Variants in SORCS2 observed in about 807,000 individuals in gnomAD.
The protein encoded by SORCS2 is sortilin related VPS10 domain containing receptor 2.
In SORCS2, 100 loss-of-function variants were observed where a neutral mutation model predicts 141.6. The ratio of observed to expected loss-of-function variants is 0.71; its 90% CI spans 0.60 to 0.83. SORCS2 has a LOEUF of 0.83. SORCS2 is among the 40% of genes least tolerant of loss of function. The pLI is 0.00. For missense variants in SORCS2, 1,646 were observed against 1,560.2 expected (o/e 1.05, Z -0.93); for synonymous variants, 789 against 676.9 (o/e 1.17, Z -2.57).
intron 3 of SORCS2, among the ~76,000 whole-genome samples, chr4:7,615,478 G>C (rs897946165): frequency 6.6e-6 from 1 of 152,226 alleles, no homozygotes; most frequent in East Asian, 1.9e-4. Flanking sequence ...TAAAGTCTTT[G>C]ACCAGGAGAG....
At chr4:7,541,508 AG>A (rs1322893350) in intron 3 of SORCS2, among the ~76,000 whole-genome samples, 1 of 152,142 alleles carries the variant, frequency 6.6e-6, no homozygotes, top group African/African-American at 2.4e-5. Flanking sequence ...CCTCCTCAGG[AG>A]GGGCGATCAC....
rs965864741 is a variant in SORCS2, at chr4:7,370,679, C to T, written c.481-25609C>T. 6.6e-5 allele frequency among the ~76,000 whole-genome samples: 10 copies of T among 152,298 alleles called. No individual in the cohort carries two copies. The South Asian group carries it at 8.3e-4, about 13-fold the overall frequency. On this transcript the variant is annotated intron_variant, in intron 1 of 26. Coordinates refer to ENST00000507866, the MANE Select transcript of SORCS2 (RefSeq NM_020777.3). ...GCCTGCCGGTGGCGGGGTGCTATCC[C>T]GAGCTGGTGTCCCCACGAGGCTCCA...
intron 1 of SORCS2, among the ~76,000 whole-genome samples, chr4:7,304,940 C>T (rs1207493660): frequency 6.6e-6 from 1 of 152,178 alleles, no homozygotes; most frequent in East Asian, 1.9e-4. Context: ...GGAGGCATCC[C>T]GGTTCCTGCT....
chr4:7,626,583 T>C (rs565848173), intron 3 of SORCS2, among the ~76,000 whole-genome samples: 1 of 152,372 alleles, frequency 6.6e-6, no homozygotes, highest in Admixed American at 6.5e-5. Context: ...AGCACATACA[T>C]ATATTTGTGT....
chr4:7,569,895 G>A lies in SORCS2; in HGVS notation c.648+38266G>A, dbSNP rs138030044. On this transcript the variant is annotated intron_variant, in intron 3 of 26. Transcript: ENST00000507866. ...CCACTGGGTGGATGTGGCCTCTCCG[G>A]AACTTCCTCCTCCCCACCCCTGTGG... Among the ~76,000 whole-genome samples, 466 of 152,278 alleles carry A rather than the reference G, an allele frequency of 3.1e-3. 5 individuals carry two copies. Among genetic ancestry groups the A allele is most frequent in the African/African-American group, 0.011 (438 of 41,564 alleles).
intron 3 of SORCS2, among the ~76,000 whole-genome samples, chr4:7,534,408 T>C: frequency 6.6e-6 from 1 of 152,226 alleles, no homozygotes; most frequent in Non-Finnish European, 1.5e-5. Context: ...GGTGAGTGCC[T>C]GGCAGAGCCT....
intron 2 of SORCS2, among the ~76,000 whole-genome samples, chr4:7,493,231 C>T (rs967495880): frequency 6.6e-6 from 1 of 152,324 alleles, no homozygotes; most frequent in Admixed American, 6.5e-5. Flanking sequence ...CATTTCTGTG[C>T]ATGTGACCCT....
intron 1 of SORCS2, among the ~76,000 whole-genome samples, chr4:7,266,251 C>G (rs1298850841): frequency 6.6e-6 from 1 of 152,176 alleles, no homozygotes; most frequent in Non-Finnish European, 1.5e-5. Flanking sequence ...GAGGGCACAG[C>G]TTGGTGGAAC....
rs150395150 is a variant in SORCS2 at position 7,561,392 on chromosome 4, A to C, written c.648+29763A>C. On this transcript the variant is annotated intron_variant, in intron 3 of 26. Coordinates refer to ENST00000507866, the MANE Select transcript of SORCS2 (RefSeq NM_020777.3). The stretch of plus-strand genomic sequence containing the variant: ...CCTGAAATTATGTTTGTTCATCCAT[A>C]CATCCATCTACCCATCCATCCATGT... 8.6e-4 allele frequency among the ~76,000 whole-genome samples: 128 copies of C among 149,426 alleles called. 2 individuals carry two copies. Among genetic ancestry groups the C allele is most frequent in the Middle Eastern group, 3.4e-3 (1 of 294 alleles).
At chr4:7,359,332 CTT>C (rs1721443699) in intron 1 of SORCS2, among the ~76,000 whole-genome samples, 1 of 151,748 alleles carries the variant, frequency 6.6e-6, no homozygotes. Flanking sequence ...CAAAGACTTA[CTT>C]TGTCACCCAG....
chr4:7,609,390 C>T (rs973383692), intron 3 of SORCS2, among the ~76,000 whole-genome samples: 2 of 152,166 alleles, frequency 1.3e-5, no homozygotes, highest in African/African-American at 4.8e-5. Context: ...CCCTGTGGAT[C>T]AATGTGGCAG....
At chr4:7,657,270 G>A (rs956337832) in intron 5 of SORCS2, among the ~76,000 whole-genome samples, 3 of 152,264 alleles carry the variant, frequency 2.0e-5, no homozygotes, top group Admixed American at 2.0e-4. Flanking sequence ...AAATGAATGA[G>A]TAAATGGCTC....
rs114217886 is a variant in SORCS2, at chr4:7,267,139, C to T, written c.480+74013C>T. Reference sequence around the variant, plus strand: ...CAGTGAATCAAACTTTCTAATTCAGCGGAAACACTATGACCACCAGGGACG... The same window carrying T: ...CAGTGAATCAAACTTTCTAATTCAGTGGAAACACTATGACCACCAGGGACG... On this transcript the variant is annotated intron_variant, in intron 1 of 26. Coordinates refer to ENST00000507866, the MANE Select transcript of SORCS2 (RefSeq NM_020777.3). Among the ~76,000 whole-genome samples, 1,154 of 150,366 alleles carry T rather than the reference C, an allele frequency of 7.7e-3. 13 individuals carry two copies. The highest frequency in any genetic ancestry group is 0.026 in the African/African-American group (1,030 of 40,360).
intron 12 of SORCS2, among the ~76,000 whole-genome samples, chr4:7,700,836 C>T (rs1469263618): frequency 2.0e-5 from 3 of 152,206 alleles, no homozygotes; most frequent in Non-Finnish European, 4.4e-5. Flanking sequence ...GAGTGTGTCT[C>T]CACCTGTGTG....
chr4:7,315,640 C>T (rs1718505388), intron 1 of SORCS2, among the ~76,000 whole-genome samples: 1 of 152,214 alleles, frequency 6.6e-6, no homozygotes. Context: ...AGGATCCTCC[C>T]TGCCCCTCCT....
chr4:7,687,039 C>G (rs1353302175), intron 10 of SORCS2, among the ~76,000 whole-genome samples: 1 of 152,280 alleles, frequency 6.6e-6, no homozygotes, highest in East Asian at 1.9e-4. Context: ...GAAGCAGCAC[C>G]CTCTAATTCA....
intron 3 of SORCS2, among the ~76,000 whole-genome samples, chr4:7,534,439 T>C (rs1420407693): frequency 6.6e-6 from 1 of 152,238 alleles, no homozygotes; most frequent in Non-Finnish European, 1.5e-5. Context: ...TACCATTTAC[T>C]GTCAGCTGAA....
rs372837066 is a variant in SORCS2 at position 7,648,178 on chromosome 4, C to G, written c.814-5956C>G. ...TGGTGGGAAGGAGGGAGGCCATTTACTGAGACCGCAGAGGAGGAGGAGGAG... is the reference window on the plus strand; with the variant it reads ...TGGTGGGAAGGAGGGAGGCCATTTAGTGAGACCGCAGAGGAGGAGGAGGAG... On this transcript the variant is annotated intron_variant, in intron 4 of 26. Transcript: ENST00000507866. This position sits in a 1 kb window ranked among gnomAD's most constrained non-coding sequence, Gnocchi z 4.2. Among the ~76,000 whole-genome samples, 1 of 115,494 alleles carries G rather than the reference C, an allele frequency of 8.7e-6. No homozygotes were observed. Among genetic ancestry groups the G allele is most frequent in the African/African-American group, 3.1e-5 (1 of 32,264 alleles). The allele number at this position is 115,494 out of a possible 152,430, so 75.8% of individuals were successfully genotyped here.
At chr4:7,456,453 T>TC (rs1277955156) in intron 2 of SORCS2, among the ~76,000 whole-genome samples, 1 of 151,994 alleles carries the variant, frequency 6.6e-6, no homozygotes, top group African/African-American at 2.4e-5. Context: ...TTCCTCTGTT[T>TC]CCCACCCATA....
Sources: gnomAD v4.1 joint callset for allele counts (sites outside exome capture counted in the v4.1 genomes callset) on GRCh38, gnomAD v4.1.1 for gene constraint, Gnocchi (gnomAD v3.1) non-coding constraint, MANE v1.5 for transcripts, NCBI Gene and HGNC (gene_info 2026-07-23, HGNC 2026-07-21) for gene names.